The following GABBR2 variants were observed in gnomAD, a reference collection of about 807,000 sequenced individuals.
GABBR2 encodes gamma-aminobutyric acid type B receptor subunit 2.
A neutral mutation model predicts 105.6 loss-of-function variants in GABBR2; 23 were observed. The observed-to-expected ratio is 0.22, with a 90% CI of 0.16 to 0.31. The LOEUF is 0.31. GABBR2 is among the 10% of genes least tolerant of loss of function. The pLI, the probability that GABBR2 is intolerant of heterozygous loss-of-function variation, is 1.00. For missense variants in GABBR2, 734 were observed against 1,245.5 expected (o/e 0.59, Z 6.18); for synonymous variants, 478 against 499.7 (o/e 0.96, Z 0.58).
intron 7 of GABBR2, among the ~76,000 whole-genome samples, chr9:98,424,928 A>G (rs1161275192): frequency 2.6e-5 from 4 of 152,002 alleles, no homozygotes; most frequent in Non-Finnish European, 5.9e-5. Context: ...TATAGATTCA[A>G]TGCCATCCCC....
At chr9:98,466,967 G>A (rs774429102) in intron 6 of GABBR2, among the ~76,000 whole-genome samples, 1 of 152,054 alleles carries the variant, frequency 6.6e-6, no homozygotes, top group Non-Finnish European at 1.5e-5. Context: ...GGTCCAAAAT[G>A]GCTACTAGAA....
intron 2 of GABBR2, among the ~76,000 whole-genome samples, chr9:98,552,986 C>T (rs1054588494): frequency 7.2e-5 from 11 of 152,082 alleles, no homozygotes; most frequent in African/African-American, 9.7e-5. Flanking sequence ...AAGCATCCTC[C>T]TGCCTCTACC....
chr9:98,531,242 G>T (rs1410921361), intron 3 of GABBR2, among the ~76,000 whole-genome samples: 1 of 152,280 alleles, frequency 6.6e-6, no homozygotes, highest in Admixed American at 6.5e-5. Context: ...AGTCACCCTA[G>T]CCTCTCTGAG....
intron 7 of GABBR2, among the ~76,000 whole-genome samples, chr9:98,453,329 A>G (rs1019825749): frequency 6.6e-6 from 1 of 152,236 alleles, no homozygotes; most frequent in Non-Finnish European, 1.5e-5. Flanking sequence ...CCCGGCCTCT[A>G]TGCCCTTTCT....
At chr9:98,321,419 G>A (rs1028557781) in intron 13 of GABBR2, among the ~76,000 whole-genome samples, 5 of 152,184 alleles carry the variant, frequency 3.3e-5, no homozygotes, top group African/African-American at 1.2e-4. Flanking sequence ...TCAGCAGGAT[G>A]GGGCAGCCTG....
intron 7 of GABBR2, among the ~76,000 whole-genome samples, chr9:98,409,255 G>A (rs1254714596): frequency 6.6e-6 from 1 of 152,212 alleles, no homozygotes; most frequent in Non-Finnish European, 1.5e-5. Flanking sequence ...CAGCGATGAG[G>A]GTGGGGAGGT....
intron 5 of GABBR2, among the ~76,000 whole-genome samples, chr9:98,473,628 C>T (rs2131631550): frequency 6.6e-6 from 1 of 152,162 alleles, no homozygotes; most frequent in East Asian, 1.9e-4. Flanking sequence ...TGTAGACAGA[C>T]CAAAGGTTCT....
At chr9:98,312,451 C>T (rs541613385) in intron 13 of GABBR2, among the ~76,000 whole-genome samples, 31 of 152,264 alleles carry the variant, frequency 2.0e-4, no homozygotes, top group Middle Eastern at 3.4e-3. Flanking sequence ...CAGGGGGACG[C>T]GTTGGCACTC....
intron 1 of GABBR2, among the ~76,000 whole-genome samples, chr9:98,640,692 G>A (rs1028136427): frequency 2.0e-5 from 3 of 152,140 alleles, no homozygotes; most frequent in African/African-American, 4.8e-5. Flanking sequence ...TAACCCCCTG[G>A]AGAGGAGGAG....
intron 4 of GABBR2, among the ~76,000 whole-genome samples, chr9:98,484,274 G>A (rs1220398376): frequency 6.6e-6 from 1 of 152,202 alleles, no homozygotes; most frequent in African/African-American, 2.4e-5. Context: ...CAGGCTGTTA[G>A]ATTTGGATGG....
intron 1 of GABBR2, among the ~76,000 whole-genome samples, chr9:98,658,435 G>A (rs2131850985): frequency 6.6e-6 from 1 of 152,240 alleles, no homozygotes; most frequent in South Asian, 2.1e-4. Context: ...ATGTATGCTG[G>A]TGTGACCTGG....
intron 8 of GABBR2, among the ~76,000 whole-genome samples, chr9:98,399,517 C>T (rs1832352639): frequency 6.6e-6 from 1 of 152,178 alleles, no homozygotes; most frequent in South Asian, 2.1e-4. Context: ...CTCCTCATTG[C>T]ACTGGATGGG....
intron 2 of GABBR2, among the ~76,000 whole-genome samples, chr9:98,564,412 G>T (rs1199844913): frequency 2.0e-5 from 3 of 152,240 alleles, no homozygotes; most frequent in African/African-American, 7.2e-5. Context: ...AAGTAGTGCA[G>T]TGAGGGTTAC....
At position 98,408,819 on chromosome 9, in the gene GABBR2, G is replaced by A. The variant is rs530432970; in HGVS notation, c.1237-2678C>T. Among the ~76,000 whole-genome samples, 8 of 152,196 alleles carry A rather than the reference G, an allele frequency of 5.3e-5. 1 individual carries two copies. Among genetic ancestry groups the A allele is most frequent in the Admixed American group, 3.3e-4 (5 of 15,294 alleles). On this transcript the variant is annotated intron_variant, in intron 7 of 18. Coordinates refer to ENST00000259455, the MANE Select transcript of GABBR2 (RefSeq NM_005458.8). ...TTTTATTTTTTTGAGACAGGGTCTCGCTCTGTTATCCAGCCTGGAGTGCAG... is the reference window on the plus strand; with the variant it reads ...TTTTATTTTTTTGAGACAGGGTCTCACTCTGTTATCCAGCCTGGAGTGCAG...
At chr9:98,576,933 T>C (rs140369204) in intron 2 of GABBR2, among the ~76,000 whole-genome samples, 7 of 145,426 alleles carry the variant, frequency 4.8e-5, no homozygotes, top group Non-Finnish European at 7.7e-5. Flanking sequence ...GATGGATGGA[T>C]GGATGGATGG....
chr9:98,338,877 C>T (rs887229822), intron 13 of GABBR2, among the ~76,000 whole-genome samples: 1 of 152,088 alleles, frequency 6.6e-6, no homozygotes, highest in African/African-American at 2.4e-5. Flanking sequence ...GTTGAAACAA[C>T]CAAAATATCT....
Position 98,444,879 on chromosome 9 carries a change from G to GCGCACACACACA in GABBR2, c.1236+9101_1236+9102insTGTGTGTGTGCG, listed in dbSNP as rs939018102. The stretch of plus-strand genomic sequence containing the variant: ...CATGCATATGCACATGCGCGCGCGC[G>GCGCACACACACA]CACACACACACACACACACACGCAC... On this transcript the variant is annotated intron_variant, in intron 7 of 18. Transcript: ENST00000259455. 5.3e-3 allele frequency among the ~76,000 whole-genome samples: 796 copies of GCGCACACACACA among 151,018 alleles called. 20 individuals are homozygous for GCGCACACACACA. The East Asian group carries it at 0.067, about 13-fold the overall frequency.
intron 1 of GABBR2, among the ~76,000 whole-genome samples, chr9:98,676,852 C>T (rs2131865918): frequency 6.6e-6 from 1 of 152,334 alleles, no homozygotes. Flanking sequence ...GTAACCCAAA[C>T]ATACTGACTA....
chr9:98,295,151 TA>T (rs1830360195), intron 17 of GABBR2, among the ~76,000 whole-genome samples: 1 of 152,258 alleles, frequency 6.6e-6, no homozygotes, highest in Admixed American at 6.5e-5. Context: ...CCCAAATCAA[TA>T]TTTCAATGCT....
Sources: gnomAD v4.1 joint callset for allele counts (sites outside exome capture counted in the v4.1 genomes callset) on GRCh38, gnomAD v4.1.1 for gene constraint, MANE v1.5 for transcripts, NCBI Gene and HGNC (gene_info 2026-07-23, HGNC 2026-07-21) for gene names.